Variants in DLEC1 observed in about 807,000 individuals in gnomAD.
DLEC1 encodes the protein DLEC1 cilia and flagella associated protein, also known as deleted in lung and esophageal cancer protein 1.
In DLEC1, 146 loss-of-function variants were observed where a neutral mutation model predicts 198.1. The observed-to-expected ratio is 0.74, with a 90% CI of 0.64 to 0.85. DLEC1 has a LOEUF of 0.85. DLEC1 is among the 40% of genes least tolerant of loss of function. The probability of loss-of-function intolerance (pLI) is 0.00; values close to 1 mark genes in which losing one functional copy is unlikely to be tolerated. For missense variants in DLEC1, 2,233 were observed against 2,220.0 expected (o/e 1.01, Z -0.12); for synonymous variants, 897 against 866.8 (o/e 1.03, Z -0.61).
At chr3:38,085,522 G>T (rs531116762) in intron 8 of DLEC1, 75 bp downstream of exon 8, 25 of 1,558,488 alleles carry the variant, frequency 1.6e-5, no homozygotes, top group South Asian at 4.7e-5. Flanking sequence ...TGCCTCTCAG[G>T]TTCCCTTTGT....
chr3:38,077,762 C>G lies in DLEC1; in HGVS notation c.1174-6396C>G, dbSNP rs151175870. Among the ~76,000 whole-genome samples the G allele has an allele frequency of 7.5e-3, 1,138 of 152,180 alleles. 12 individuals are homozygous for G. The highest frequency in any genetic ancestry group is 0.025 in the African/African-American group (1,051 of 41,514). On this transcript the variant is annotated intron_variant, in intron 6 of 36. Transcript: ENST00000308059. Reference sequence around the variant, plus strand: ...ACTAAGAGGTATTTTAGTTATCTGACTCAGGGCATGTTGAGTAAAGCTAAT... The same window carrying G: ...ACTAAGAGGTATTTTAGTTATCTGAGTCAGGGCATGTTGAGTAAAGCTAAT...
chr3:38,054,197 TAAAAAAAAAAACAAAACAAA>T (rs1440738271), intron 2 of DLEC1, among the ~76,000 whole-genome samples: 6 of 145,592 alleles, frequency 4.1e-5, no homozygotes, highest in Non-Finnish European at 7.6e-5. Context: ...CAATAAATAC[TAAAAAAAAAAACAAAACAAA>T]AAAACAAACA....
At position 38,086,385 on chromosome 3, in the gene DLEC1, A is replaced by G; in HGVS notation, c.1572+8A>G. The G allele has an allele frequency of 1.3e-6, 2 of 1,596,128 alleles. No homozygotes were observed. Among genetic ancestry groups the G allele is most frequent in the Non-Finnish European group, 1.7e-6 (2 of 1,170,734 alleles). On this transcript the variant is annotated splice_region_variant and intron_variant, in intron 9 of 36. Transcript: ENST00000308059. ...CCACCACTAAGTTTCAAGGTGAGTG[A>G]TCACAGGTTGCTAACTGGAAAAATT...
At chr3:38,054,830 T>G (rs1189311337) in intron 2 of DLEC1, among the ~76,000 whole-genome samples, 3 of 152,148 alleles carry the variant, frequency 2.0e-5, no homozygotes, top group Admixed American at 2.0e-4. Flanking sequence ...ACCAAGCACA[T>G]ATGGGAAAAG....
At chr3:38,073,844 C>A (rs756875282) in intron 6 of DLEC1, among the ~76,000 whole-genome samples, 4 of 152,168 alleles carry the variant, frequency 2.6e-5, no homozygotes, top group Non-Finnish European at 5.9e-5. Flanking sequence ...TGGACTTACT[C>A]TCCACTGTGA....
chr3:38,047,463 A>T (rs1441603802), intron 2 of DLEC1, among the ~76,000 whole-genome samples: 1 of 152,246 alleles, frequency 6.6e-6, no homozygotes, highest in Non-Finnish European at 1.5e-5. Flanking sequence ...GCATGAAAAA[A>T]AGCTGAAAAT....
intron 2 of DLEC1, among the ~76,000 whole-genome samples, chr3:38,049,012 C>T (rs150484206): frequency 1.3e-5 from 2 of 151,658 alleles, no homozygotes; most frequent in East Asian, 1.9e-4. Flanking sequence ...GAGTCAGCTA[C>T]TGTCCCTTTT....
intron 2 of DLEC1, among the ~76,000 whole-genome samples, chr3:38,054,478 C>T (rs976425871): frequency 1.3e-5 from 2 of 152,166 alleles, no homozygotes; most frequent in Non-Finnish European, 2.9e-5. Context: ...GCATGAGCCT[C>T]TTGCTGGCAC....
At chr3:38,119,696 C>T (rs1488255853) in intron 33 of DLEC1, among the ~76,000 whole-genome samples, 1 of 152,118 alleles carries the variant, frequency 6.6e-6, no homozygotes, top group African/African-American at 2.4e-5. Context: ...GTGCATGCCA[C>T]CATGCCCAGC....
chr3:38,123,279 A>C lies in DLEC1; in HGVS notation c.*867A>C. On this transcript the variant is annotated 3_prime_UTR_variant, in exon 37 of 37. Transcript: ENST00000308059. Reference sequence around the variant, plus strand: ...CCTGGCCTCCCACTTGGGCACACACACGGTGACAGATGCCCACTGCAGGCT... The same window carrying C: ...CCTGGCCTCCCACTTGGGCACACACCCGGTGACAGATGCCCACTGCAGGCT... The C allele has an allele frequency of 1.5e-6, 1 of 660,500 alleles. No homozygotes were observed. The highest frequency in any genetic ancestry group is 1.7e-5 in the South Asian group (1 of 57,334). The allele number at this position is 660,500 out of a possible 1,614,324, so 40.9% of individuals were successfully genotyped here. A position where few individuals can be genotyped will look rare whatever the true frequency, so the allele number is the denominator to read the frequency against.
intron 2 of DLEC1, among the ~76,000 whole-genome samples, chr3:38,046,570 T>C (rs1187160118): frequency 6.6e-6 from 1 of 152,214 alleles, no homozygotes; most frequent in Non-Finnish European, 1.5e-5. Context: ...CTCTTTTTCT[T>C]TATAAATTAC....
intron 11 of DLEC1, 151 bp from the exon 12 acceptor site, chr3:38,093,454 G>A (rs530803526): frequency 1.1e-5 from 10 of 874,864 alleles, no homozygotes; most frequent in South Asian, 5.0e-5. Context: ...TAACCTGTGG[G>A]CGGATATCCC....
intron 25 of DLEC1, among the ~76,000 whole-genome samples, chr3:38,113,890 T>C (rs1442953823): frequency 2.6e-5 from 4 of 152,078 alleles, no homozygotes; most frequent in African/African-American, 9.7e-5. Context: ...AAAAATAAGA[T>C]TTATTACTTT....
chr3:38,087,944 AG>A (rs1369239806), intron 9 of DLEC1, among the ~76,000 whole-genome samples: 3 of 152,194 alleles, frequency 2.0e-5, no homozygotes, highest in Admixed American at 6.5e-5. Context: ...TTGGGAGCCC[AG>A]GGGAGGGCCC....
chr3:38,065,970 G>A (rs183618487), intron 6 of DLEC1, among the ~76,000 whole-genome samples: 10 of 152,304 alleles, frequency 6.6e-5, no homozygotes, highest in East Asian at 3.9e-4. Flanking sequence ...GACATTAAAC[G>A]TGTTCTTTTA....
At chr3:38,120,886 C>T (rs1053085312) in intron 34 of DLEC1, among the ~76,000 whole-genome samples, 1 of 152,176 alleles carries the variant, frequency 6.6e-6, no homozygotes, top group Non-Finnish European at 1.5e-5. Flanking sequence ...GCCTGAACAC[C>T]ATTTAATCAA....
At chr3:38,106,914 A>G (rs1263225921) in intron 19 of DLEC1, among the ~76,000 whole-genome samples, 1 of 152,178 alleles carries the variant, frequency 6.6e-6, no homozygotes, top group Admixed American at 6.6e-5. Flanking sequence ...GAGCTTGCCC[A>G]TCAAGCTCCT....
intron 6 of DLEC1, among the ~76,000 whole-genome samples, chr3:38,076,238 G>A (rs1697610858): frequency 6.6e-6 from 1 of 152,200 alleles, no homozygotes; most frequent in African/African-American, 2.4e-5. Flanking sequence ...TTTGAAATTG[G>A]TGAGATGTTT....
chr3:38,075,316 G>T (rs1401512974), intron 6 of DLEC1, among the ~76,000 whole-genome samples: 3 of 152,140 alleles, frequency 2.0e-5, no homozygotes, highest in African/African-American at 7.2e-5. Context: ...AAATTATTTA[G>T]GTCTTGTAGG....
Sources: allele counts gnomAD v4.1 joint callset (sites outside exome capture counted in the v4.1 genomes callset), GRCh38; gene constraint gnomAD v4.1.1; transcripts MANE v1.5; gene names NCBI Gene and HGNC (gene_info 2026-07-23, HGNC 2026-07-21).